Variants in PIWIL3 observed in about 807,000 individuals in gnomAD.
PIWIL3 encodes the protein piwi like RNA-mediated gene silencing 3.
PIWIL3 carries 101 observed loss-of-function variants against 109.7 expected under a neutral mutation model. That is an observed-to-expected ratio of 0.92 (90% CI 0.78 to 1.09). The LOEUF (loss-of-function observed/expected upper bound fraction) is 1.09. PIWIL3 is among the 50% of genes least tolerant of loss of function. The pLI is 0.00. For missense variants in PIWIL3, 1,031 were observed against 1,072.6 expected (o/e 0.96, Z 0.54); for synonymous variants, 373 against 376.4 (o/e 0.99, Z 0.10).
chr22:24,767,542 ACT>A (rs1324066587), intron 1 of PIWIL3, among the ~76,000 whole-genome samples: 3 of 150,056 alleles, frequency 2.0e-5, no homozygotes, highest in Admixed American at 6.6e-5. Context: ...CAAAGGCGAA[ACT>A]CTGTCTCAAA....
intron 9 of PIWIL3, 41 bp downstream of exon 9, chr22:24,751,346 G>T (rs773631830): frequency 1.3e-6 from 2 of 1,534,176 alleles, no homozygotes; most frequent in Middle Eastern, 3.7e-4. Flanking sequence ...ATACATGAAG[G>T]TTTACAATTT....
intron 4 of PIWIL3, among the ~76,000 whole-genome samples, chr22:24,757,637 CAT>C (rs1555913043): frequency 5.7e-5 from 7 of 122,778 alleles, no homozygotes; most frequent in African/African-American, 2.2e-4. Flanking sequence ...CACACACACA[CAT>C]ATATAAAATA....
intron 12 of PIWIL3, among the ~76,000 whole-genome samples, chr22:24,737,351 C>A (rs1025783007): frequency 6.6e-6 from 1 of 152,086 alleles, no homozygotes; most frequent in Non-Finnish European, 1.5e-5. Context: ...AGAAGGGAAA[C>A]CTGTTGCTTT....
chr22:24,740,415 G>A (rs1285880013), intron 12 of PIWIL3, among the ~76,000 whole-genome samples: 1 of 151,096 alleles, frequency 6.6e-6, no homozygotes, highest in Non-Finnish European at 1.5e-5. Context: ...AGACATGGTG[G>A]CAGGTGCCTG....
chr22:24,730,726 C>T (rs1322619255), intron 14 of PIWIL3, among the ~76,000 whole-genome samples: 9 of 151,946 alleles, frequency 5.9e-5, no homozygotes, highest in Admixed American at 6.6e-5. Context: ...AGGTTTAGAT[C>T]GGATTAATGC....
At chr22:24,761,473 C>A (rs978711309) in intron 2 of PIWIL3, among the ~76,000 whole-genome samples, 5 of 151,930 alleles carry the variant, frequency 3.3e-5, no homozygotes, top group Non-Finnish European at 7.4e-5. Context: ...GTGGAAGGGC[C>A]CAGGGAAGGT....
intron 12 of PIWIL3, among the ~76,000 whole-genome samples, chr22:24,738,846 C>G (rs1923817639): frequency 1.3e-5 from 2 of 152,144 alleles, no homozygotes; most frequent in South Asian, 2.1e-4. Context: ...CAAGACCATC[C>G]AGGAAAACAC....
intron 12 of PIWIL3, among the ~76,000 whole-genome samples, chr22:24,738,115 C>T (rs1454888013): frequency 6.6e-6 from 1 of 152,130 alleles, no homozygotes; most frequent in African/African-American, 2.4e-5. Context: ...TGCACCACTG[C>T]ACTCCAGCCT....
chr22:24,725,926 G>A (rs988272508), intron 16 of PIWIL3, among the ~76,000 whole-genome samples: 1 of 152,112 alleles, frequency 6.6e-6, no homozygotes, highest in Non-Finnish European at 1.5e-5. Flanking sequence ...GGCAGCTGTT[G>A]ACACAACTTC....
chr22:24,755,087 G>A (rs1283904416), intron 6 of PIWIL3, among the ~76,000 whole-genome samples: 1 of 152,144 alleles, frequency 6.6e-6, no homozygotes, highest in Non-Finnish European at 1.5e-5. Context: ...TTACCAAAAT[G>A]TTCTTCATTC....
intron 14 of PIWIL3, among the ~76,000 whole-genome samples, chr22:24,730,242 G>A (rs1282873763): frequency 1.3e-5 from 2 of 151,356 alleles, no homozygotes; most frequent in East Asian, 1.9e-4. Context: ...GCGGGCACGT[G>A]TAGTCCCAGG....
chr22:24,725,340 A>C, intron 17 of PIWIL3, 105 bp downstream of exon 17: 1 of 1,416,774 alleles, frequency 7.1e-7, no homozygotes, highest in Non-Finnish European at 9.7e-7. Flanking sequence ...TGACACCAAA[A>C]ACTAAAGGTT....
intron 19 of PIWIL3, 124 bp from the exon 20 acceptor site, chr22:24,720,019 CCTTTA>C: frequency 1.2e-6 from 1 of 834,516 alleles, no homozygotes; most frequent in East Asian, 3.0e-5. Flanking sequence ...GATTAAGTTT[CCTTTA>C]CATTTAGAAA....
At position 24,746,860 on chromosome 22, in the gene PIWIL3, A is replaced by C. The variant is rs182832092; in HGVS notation, c.1449+2047T>G. 8.0e-4 allele frequency among the ~76,000 whole-genome samples: 122 copies of C among 152,260 alleles called. 1 individual carries two copies. The highest frequency in any genetic ancestry group is 1.3e-3 in the Non-Finnish European group (91 of 67,984). The stretch of plus-strand genomic sequence containing the variant: ...CAAGAAATTTAAGAGGCCACACACA[A>C]AAATGAAGATATTCCATGTTCATGA... On this transcript the variant is annotated intron_variant, in intron 12 of 20. Transcript: ENST00000616349.
chr22:24,764,146 T>C (rs1925639942), intron 1 of PIWIL3, among the ~76,000 whole-genome samples: 1 of 152,108 alleles, frequency 6.6e-6, no homozygotes, highest in African/African-American at 2.4e-5. Flanking sequence ...CCGCCCCAAT[T>C]CAATTTCAAC....
In PIWIL3 at chr22:24,757,079, CAAAAAAAAA is replaced by C. The variant is rs71189275; in HGVS notation, c.356-383_356-375del. Among the ~76,000 whole-genome samples the C allele has an allele frequency of 2.9e-4, 27 of 91,726 alleles. 1 individual carries two copies. In the South Asian group the frequency reaches 9.4e-3, roughly 32 times the overall value. 60.2% of individuals were successfully genotyped at this position (91,726 alleles called of 152,430 possible). A position where few individuals can be genotyped will look rare whatever the true frequency, so the allele number is the denominator to read the frequency against. ...GGACAACAAGAGCTAAACTCCGTCT[CAAAAAAAAA>C]AAAAAAAAAAAAAAGAAAAGAAAAG... On this transcript the variant is annotated intron_variant, in intron 4 of 20. Coordinates refer to ENST00000616349, the MANE Select transcript of PIWIL3 (RefSeq NM_001255975.1).
At chr22:24,762,012 C>T (rs538326699) in intron 2 of PIWIL3, 2 of 1,000,218 alleles carry the variant, frequency 2.0e-6, no homozygotes, top group South Asian at 9.2e-5. Flanking sequence ...CAAAACAGGG[C>T]AGGCATAACA....
intron 1 of PIWIL3, among the ~76,000 whole-genome samples, chr22:24,764,721 C>A (rs1269829273): frequency 2.7e-5 from 4 of 150,062 alleles, no homozygotes; most frequent in African/African-American, 9.8e-5. Context: ...AATGCAATCT[C>A]CACTCACTGC....
At chr22:24,753,930 G>A in intron 8 of PIWIL3, 84 bp downstream of exon 8, 2 of 1,184,430 alleles carry the variant, frequency 1.7e-6, no homozygotes, top group Non-Finnish European at 2.4e-6. Context: ...AACATTTAGT[G>A]ATTAGAAAAC....
Sources: allele counts gnomAD v4.1 joint callset (sites outside exome capture counted in the v4.1 genomes callset), GRCh38; gene constraint gnomAD v4.1.1; transcripts MANE v1.5; gene names NCBI Gene and HGNC (gene_info 2026-07-23, HGNC 2026-07-21).